SHISAL1: variants seen among roughly 807,000 people sequenced by gnomAD.
The protein encoded by SHISAL1 is protein shisa-like-1.
Under a neutral mutation model 22.6 loss-of-function variants are expected in SHISAL1, and 9 were observed. The ratio of observed to expected loss-of-function variants is 0.40; its 90% CI spans 0.24 to 0.70. The LOEUF (loss-of-function observed/expected upper bound fraction) is 0.70. Among genes scored for constraint, SHISAL1 ranks in the 30% least tolerant of loss-of-function variants. SHISAL1 has a pLI of 0.39. For missense variants in SHISAL1, 246 were observed against 270.6 expected (o/e 0.91, Z 0.64); for synonymous variants, 119 against 115.4 (o/e 1.03, Z -0.20).
In SHISAL1 at chr22:44,246,003, T is replaced by C. The variant is rs369668263; in HGVS notation, c.*3682A>G. ...GTGTGTGTGCGCGCATGTGCATGTA[T>C]GTACTTGTGTGTTTTTTCAATTAAG... On this transcript the variant is annotated 3_prime_UTR_variant, in exon 5 of 5. Coordinates refer to ENST00000381176, the MANE Select transcript of SHISAL1 (RefSeq NM_001099294.2). 3 of 152,364 alleles carry C rather than the reference T, an allele frequency of 2.0e-5. No homozygotes were observed. Among genetic ancestry groups the C allele is most frequent in the African/African-American group, 7.2e-5 (3 of 41,574 alleles). 9.4% of individuals were successfully genotyped at this position (152,364 alleles called of 1,614,324 possible).
intron 2 of SHISAL1, among the ~76,000 whole-genome samples, chr22:44,298,129 G>A (rs2055400610): frequency 6.6e-6 from 1 of 152,192 alleles, no homozygotes; most frequent in Non-Finnish European, 1.5e-5. Context: ...GCGAGAGAAA[G>A]GTCTCAGCTT....
intron 3 of SHISAL1, among the ~76,000 whole-genome samples, chr22:44,294,955 C>A (rs147929944): frequency 6.6e-6 from 1 of 152,142 alleles, no homozygotes; most frequent in South Asian, 2.1e-4. Flanking sequence ...ACAAATGGAA[C>A]GACATTTGTA....
intron 4 of SHISAL1, among the ~76,000 whole-genome samples, chr22:44,274,156 G>C (rs568544168): frequency 2.0e-5 from 3 of 151,254 alleles, no homozygotes; most frequent in East Asian, 2.0e-4. Context: ...CAAGGCAGGA[G>C]AATCACTTGA....
At chr22:44,331,426 C>A in the SHISAL1 span, among the ~76,000 whole-genome samples, 5 of 151,364 alleles carry the variant, frequency 3.3e-5, no homozygotes, top group Non-Finnish European at 4.4e-5. The surrounding 1 kb of genome is among the most constrained non-coding windows in gnomAD (Gnocchi z 5.2). Flanking sequence ...CCGCCGCTCT[C>A]GGACCCCGGC....
intron 4 of SHISAL1, among the ~76,000 whole-genome samples, chr22:44,267,984 G>T (rs1029082706): frequency 6.6e-6 from 1 of 152,244 alleles, no homozygotes; most frequent in Admixed American, 6.5e-5. Flanking sequence ...CACGGCCGGA[G>T]GCTGCCCTGG....
At chr22:44,269,057 G>A (rs578043127) in intron 4 of SHISAL1, among the ~76,000 whole-genome samples, 6 of 151,892 alleles carry the variant, frequency 4.0e-5, no homozygotes, top group Non-Finnish European at 7.4e-5. Flanking sequence ...CTGCTTCCCC[G>A]ACGTCCTTTC....
intron 4 of SHISAL1, among the ~76,000 whole-genome samples, chr22:44,277,976 C>T (rs745904787): frequency 8.1e-4 from 124 of 152,228 alleles, no homozygotes; most frequent in Non-Finnish European, 1.4e-3. Context: ...GGTTCCCACA[C>T]TGGCAGTGTC....
At chr22:44,288,557 C>T (rs562938363) in intron 3 of SHISAL1, among the ~76,000 whole-genome samples, 8 of 152,304 alleles carry the variant, frequency 5.3e-5, no homozygotes, top group African/African-American at 1.4e-4. Context: ...AGGAGAATTG[C>T]GTGAATGCGG....
chr22:44,299,703 CACAGAG>C (rs1320757474), intron 2 of SHISAL1, among the ~76,000 whole-genome samples: 4 of 152,100 alleles, frequency 2.6e-5, no homozygotes, highest in African/African-American at 9.7e-5. Flanking sequence ...TACAGAGAGA[CACAGAG>C]ACAGAGACAG....
chr22:44,256,437 G>A (rs777145850), intron 4 of SHISAL1, among the ~76,000 whole-genome samples: 10 of 152,160 alleles, frequency 6.6e-5, no homozygotes, highest in Non-Finnish European at 1.0e-4. Flanking sequence ...GTGCCTTCAT[G>A]TGTGTCTATA....
At chr22:44,264,666 G>C (rs891821524) in intron 4 of SHISAL1, among the ~76,000 whole-genome samples, 4 of 152,184 alleles carry the variant, frequency 2.6e-5, no homozygotes, top group African/African-American at 9.6e-5. Flanking sequence ...GCCCCAGCCT[G>C]AATTGGACCC....
At chr22:44,269,637 CCACA>C (rs1379298694) in intron 4 of SHISAL1, among the ~76,000 whole-genome samples, 2 of 149,114 alleles carry the variant, frequency 1.3e-5, no homozygotes, top group Non-Finnish European at 3.0e-5. Flanking sequence ...CACACACATG[CCACA>C]AACAACACAC....
intron 4 of SHISAL1, among the ~76,000 whole-genome samples, chr22:44,256,278 G>A (rs1219334468): frequency 3.1e-5 from 4 of 129,554 alleles, no homozygotes; most frequent in Admixed American, 8.9e-5. Context: ...GACTCAAAGT[G>A]GAACTCACAC....
intron 4 of SHISAL1, among the ~76,000 whole-genome samples, chr22:44,268,497 C>A (rs1221854364): frequency 6.6e-6 from 1 of 152,146 alleles, no homozygotes; most frequent in East Asian, 1.9e-4. Context: ...AGGGACACGG[C>A]CTGCCTGAGG....
intron 3 of SHISAL1, among the ~76,000 whole-genome samples, 182 bp downstream of exon 3, chr22:44,296,490 A>G (rs992064591): frequency 2.0e-5 from 3 of 152,182 alleles, no homozygotes; most frequent in African/African-American, 7.2e-5. Context: ...GAGAAAGCTG[A>G]AACTTAGAAG....
intron 1 of SHISAL1, among the ~76,000 whole-genome samples, chr22:44,304,063 C>T (rs2055452990): frequency 6.6e-6 from 1 of 152,238 alleles, no homozygotes; most frequent in Non-Finnish European, 1.5e-5. Context: ...ACAAGCCCCT[C>T]TGCATGCCCA....
intron 4 of SHISAL1, among the ~76,000 whole-genome samples, chr22:44,277,337 G>T (rs1200065686): frequency 6.6e-6 from 1 of 152,228 alleles, no homozygotes; most frequent in Non-Finnish European, 1.5e-5. Flanking sequence ...GTGAGGAGGG[G>T]CAAGCTGCCT....
At chr22:44,293,292 C>T (rs9614427) in intron 3 of SHISAL1, among the ~76,000 whole-genome samples, 15,292 of 152,194 alleles carry the variant, frequency 0.1, 1,012 homozygotes, top group South Asian at 0.16. Context: ...AGAGGGAAGG[C>T]GGCGAGAAGA....
At chr22:44,294,696 C>T (rs60097734) in intron 3 of SHISAL1, among the ~76,000 whole-genome samples, 1,840 of 151,978 alleles carry the variant, frequency 0.012, 48 homozygotes, top group African/African-American at 0.043. Flanking sequence ...TAATTGGAAA[C>T]CTAAGAGAAT....
Sources: gnomAD v4.1 joint callset for allele counts (sites outside exome capture counted in the v4.1 genomes callset) on GRCh38, gnomAD v4.1.1 for gene constraint, Gnocchi (gnomAD v3.1) non-coding constraint, MANE v1.5 for transcripts, NCBI Gene and HGNC (gene_info 2026-07-23, HGNC 2026-07-21) for gene names.